Variants in TNIK observed in about 807,000 individuals in gnomAD.
TNIK encodes TRAF2 and NCK-interacting protein kinase.
A neutral mutation model predicts 191.3 loss-of-function variants in TNIK; 49 were observed. The observed-to-expected ratio is 0.26, with a 90% CI of 0.20 to 0.32. TNIK has a LOEUF of 0.32. Ranked by LOEUF, TNIK falls within the 10% of genes least tolerant of loss-of-function variation. The probability of loss-of-function intolerance (pLI) is 1.00; values close to 1 mark genes in which losing one functional copy is unlikely to be tolerated. For missense variants in TNIK, 1,155 were observed against 1,702.3 expected (o/e 0.68, Z 5.66); for synonymous variants, 594 against 600.9 (o/e 0.99, Z 0.17).
At chr3:171,123,800 G>A in intron 17 of TNIK, 98 bp from the exon 18 acceptor site, 2 of 736,392 alleles carry the variant, frequency 2.7e-6, no homozygotes, top group Non-Finnish European at 4.3e-6. Flanking sequence ...AGAAGCCACA[G>A]AAACTATCCG....
Position 171,342,578 on chromosome 3 carries a change from A to G in TNIK, c.123+27042T>C, listed in dbSNP as rs76506817. The stretch of plus-strand genomic sequence containing the variant: ...CACAGCAGACAACTGAGAGTTTCCA[A>G]TGGCCAAAGCTGGAAAAATTTGAGC... On this transcript the variant is annotated intron_variant, in intron 2 of 32. Transcript: ENST00000436636. Among the ~76,000 whole-genome samples, 11 of 152,336 alleles carry G rather than the reference A, an allele frequency of 7.2e-5. No individual in the cohort carries two copies. The East Asian group carries it at 2.1e-3, about 29-fold the overall frequency.
chr3:171,077,397 A>G (rs1250819496), intron 28 of TNIK, among the ~76,000 whole-genome samples: 1 of 152,196 alleles, frequency 6.6e-6, no homozygotes, highest in Non-Finnish European at 1.5e-5. Flanking sequence ...GAAATGGTGC[A>G]TGAAAAGTAA....
At chr3:171,230,702 A>G (rs1269906113) in intron 2 of TNIK, among the ~76,000 whole-genome samples, 1 of 152,076 alleles carries the variant, frequency 6.6e-6, no homozygotes, top group Non-Finnish European at 1.5e-5. Context: ...AGATTCAATT[A>G]CAGTACTCTG....
chr3:171,165,914 C>A (rs1423347882), intron 10 of TNIK, among the ~76,000 whole-genome samples: 3 of 152,182 alleles, frequency 2.0e-5, no homozygotes, highest in Admixed American at 6.5e-5. Context: ...ACTTGCCCTA[C>A]CTCAGCTAGC....
chr3:171,175,656 A>C (rs1577041651), intron 8 of TNIK, among the ~76,000 whole-genome samples: 2 of 152,244 alleles, frequency 1.3e-5, no homozygotes, highest in East Asian at 3.8e-4. Flanking sequence ...TTTAAAGTAA[A>C]TACCATCAGA....
At chr3:171,107,992 T>C (rs1268393721) in intron 20 of TNIK, 73 bp downstream of exon 20, 3 of 1,471,424 alleles carry the variant, frequency 2.0e-6, no homozygotes, top group East Asian at 4.9e-5. Flanking sequence ...CATGAGTGTA[T>C]CCCCAACTAC....
intron 2 of TNIK, among the ~76,000 whole-genome samples, chr3:171,244,463 ATACTCACT>A (rs1265945021): frequency 6.6e-6 from 1 of 152,140 alleles, no homozygotes; most frequent in Non-Finnish European, 1.5e-5. Flanking sequence ...CTTCTCAAAC[ATACTCACT>A]TATTCTGGGG....
intron 5 of TNIK, 69 bp from the exon 6 acceptor site, chr3:171,190,856 T>G (rs1374369846): frequency 1.6e-6 from 2 of 1,259,060 alleles, no homozygotes; most frequent in Non-Finnish European, 2.2e-6. Flanking sequence ...TTATTTTGAC[T>G]GTTAAGGATC....
intron 1 of TNIK, among the ~76,000 whole-genome samples, chr3:171,374,528 A>G (rs937816751): frequency 1.3e-5 from 2 of 152,230 alleles, no homozygotes; most frequent in Non-Finnish European, 2.9e-5. Flanking sequence ...ACATACACCA[A>G]GGAGAAAAGA....
At chr3:171,091,604 G>T (rs1263218256) in intron 23 of TNIK, among the ~76,000 whole-genome samples, 1 of 152,004 alleles carries the variant, frequency 6.6e-6, no homozygotes, top group South Asian at 2.1e-4. Flanking sequence ...TTAGCTGGGC[G>T]TGCACCCGTA....
intron 2 of TNIK, among the ~76,000 whole-genome samples, chr3:171,302,265 G>C (rs1301805929): frequency 6.6e-6 from 1 of 152,106 alleles, no homozygotes; most frequent in African/African-American, 2.4e-5. Flanking sequence ...CTTAATGACA[G>C]GACAGTCCAG....
intron 2 of TNIK, among the ~76,000 whole-genome samples, chr3:171,329,818 G>A (rs1756212932): frequency 6.6e-6 from 1 of 152,164 alleles, no homozygotes; most frequent in Non-Finnish European, 1.5e-5. Context: ...AGCTGATCCT[G>A]CAAAGACTTC....
In TNIK at chr3:171,300,020, G is replaced by A. The variant is rs149050912; in HGVS notation, c.123+69600C>T. ...TTCCTGAATATTAATAAACACGAAT[G>A]GTACACAAATGCATTTACAAACTAC... On this transcript the variant is annotated intron_variant, in intron 2 of 32. Coordinates refer to ENST00000436636, the MANE Select transcript of TNIK (RefSeq NM_015028.4). Among the ~76,000 whole-genome samples the A allele has an allele frequency of 4.4e-3, 673 of 152,306 alleles. 6 individuals are homozygous for A. The highest frequency in any genetic ancestry group is 0.015 in the African/African-American group (644 of 41,566).
chr3:171,139,415 A>ACACACACACACACACACAC (rs1354055575), intron 14 of TNIK, 55 bp downstream of exon 14: 26 of 1,183,352 alleles, frequency 2.2e-5, no homozygotes, highest in Admixed American at 1.1e-4. Flanking sequence ...CACACACACA[A>ACACACACACACACACACAC]ACACTTGCAA....
At position 171,366,864 on chromosome 3, in the gene TNIK, G is replaced by A. The variant is rs558352117; in HGVS notation, c.123+2756C>T. Reference sequence around the variant, plus strand: ...ACCCATCCTGTTCTCATGATAGTGAGTTAGTTCTCATGAGATCTGATGGTT... The same window carrying A: ...ACCCATCCTGTTCTCATGATAGTGAATTAGTTCTCATGAGATCTGATGGTT... On this transcript the variant is annotated intron_variant, in intron 2 of 32. Transcript: ENST00000436636. The surrounding 1 kb of genome is among the most constrained non-coding windows in gnomAD (Gnocchi z 4.1). Among the ~76,000 whole-genome samples, 1 of 152,146 alleles carries A rather than the reference G, an allele frequency of 6.6e-6. No homozygotes were observed. The highest frequency in any genetic ancestry group is 1.5e-5 in the Non-Finnish European group (1 of 68,022).
chr3:171,430,687 T>G (rs1243470721), intron 1 of TNIK, among the ~76,000 whole-genome samples: 1 of 150,944 alleles, frequency 6.6e-6, no homozygotes, highest in East Asian at 1.9e-4. Flanking sequence ...ATTGTTTTAA[T>G]CAAGAGCTTG....
chr3:171,072,531 G>C (rs1265355787), intron 28 of TNIK, among the ~76,000 whole-genome samples: 3 of 151,882 alleles, frequency 2.0e-5, no homozygotes, highest in Non-Finnish European at 4.4e-5. Flanking sequence ...AACAAGACAA[G>C]AATTTCCACT....
rs183645124 is a variant in TNIK, at chr3:171,437,478, G to A, written c.57+22529C>T. On this transcript the variant is annotated intron_variant, in intron 1 of 32. Transcript: ENST00000436636. ...AACACACAAATGCAAGCATAGGCAG[G>A]GGAGGCTTTTACCCTGTGCCTCCAA... Among the ~76,000 whole-genome samples, 346 of 152,288 alleles carry A rather than the reference G, an allele frequency of 2.3e-3. 2 individuals carry two copies. The highest frequency in any genetic ancestry group is 7.9e-3 in the African/African-American group (330 of 41,562).
intron 21 of TNIK, among the ~76,000 whole-genome samples, chr3:171,104,457 T>G (rs1724313780): frequency 6.8e-6 from 1 of 147,212 alleles, no homozygotes; most frequent in African/African-American, 2.4e-5. Context: ...ATGAAAATAT[T>G]TGAGAATATA....
Sources: allele counts gnomAD v4.1 joint callset (sites outside exome capture counted in the v4.1 genomes callset), GRCh38; gene constraint gnomAD v4.1.1; non-coding constraint Gnocchi (gnomAD v3.1); transcripts MANE v1.5; gene names NCBI Gene and HGNC (gene_info 2026-07-23, HGNC 2026-07-21).